Variants in UBXN4 observed in about 807,000 individuals in gnomAD.
The protein encoded by UBXN4 is UBX domain protein 4.
UBXN4 carries 35 observed loss-of-function variants against 66.2 expected under a neutral mutation model. The ratio of observed to expected loss-of-function variants is 0.53; its 90% CI spans 0.40 to 0.70. The LOEUF is 0.70. Among genes scored for constraint, UBXN4 ranks in the 30% least tolerant of loss-of-function variants. UBXN4 has a pLI of 0.00. For synonymous variants in UBXN4, 203 were observed against 204.5 expected (o/e 0.99, Z 0.06); for missense variants, 533 against 599.8 (o/e 0.89, Z 1.16).
At chr2:135,762,024 G>C in intron 6 of UBXN4, 113 bp downstream of exon 6, 1 of 1,168,288 alleles carries the variant, frequency 8.6e-7, no homozygotes, top group Non-Finnish European at 1.2e-6. Context: ...AGAATTCTGA[G>C]TTGAAATTTT....
intron 9 of UBXN4, among the ~76,000 whole-genome samples, chr2:135,775,560 A>G (rs932146445): frequency 2.0e-5 from 3 of 152,202 alleles, no homozygotes; most frequent in African/African-American, 4.8e-5. Context: ...GTATGATTCT[A>G]TTACACAACA....
At chr2:135,747,513 A>G (rs993933171) in intron 1 of UBXN4, 5 of 421,776 alleles carry the variant, frequency 1.2e-5, no homozygotes, top group African/African-American at 1.0e-4. Flanking sequence ...AGGCAAGTCT[A>G]AAATTGCAAA....
intron 6 of UBXN4, among the ~76,000 whole-genome samples, chr2:135,769,015 T>G (rs1275807395): frequency 6.6e-6 from 1 of 151,946 alleles, no homozygotes; most frequent in African/African-American, 2.4e-5. Context: ...ATTTGTTTGT[T>G]TATTTCAGAC....
At chr2:135,769,413 C>A (rs1281470479) in intron 6 of UBXN4, among the ~76,000 whole-genome samples, 3 of 146,320 alleles carry the variant, frequency 2.1e-5, no homozygotes. Flanking sequence ...TTTTTTTTTA[C>A]CATAGTGCTG....
chr2:135,774,571 A>G (rs575975238), intron 9 of UBXN4, among the ~76,000 whole-genome samples: 3 of 152,286 alleles, frequency 2.0e-5, no homozygotes, highest in Non-Finnish European at 2.9e-5. Context: ...GAAGCTGGGC[A>G]TGGTAGCTCA....
At chr2:135,774,907 A>G (rs2077404049) in intron 9 of UBXN4, among the ~76,000 whole-genome samples, 1 of 152,158 alleles carries the variant, frequency 6.6e-6, no homozygotes, top group African/African-American at 2.4e-5. Flanking sequence ...CAAATCATAT[A>G]TTTGATGAGA....
intron 1 of UBXN4, 74 bp downstream of exon 1, chr2:135,742,085 C>A: frequency 6.6e-7 from 1 of 1,508,114 alleles, no homozygotes; most frequent in Admixed American, 2.0e-5. Flanking sequence ...TATACCTCAG[C>A]CGCCGGCCCG....
chr2:135,783,022 G>C lies in UBXN4; in HGVS notation c.*135G>C, dbSNP rs2077459722. 5 of 939,738 alleles carry C rather than the reference G, an allele frequency of 5.3e-6. No homozygotes were observed. The South Asian group carries it at 9.6e-5, about 18-fold the overall frequency. 58.2% of individuals were successfully genotyped at this position (939,738 alleles called of 1,614,324 possible). A position where few individuals can be genotyped will look rare whatever the true frequency, so the allele number is the denominator to read the frequency against. On this transcript the variant is annotated 3_prime_UTR_variant, in exon 13 of 13. Transcript: ENST00000272638. ...ATGTCTCTTTATTCCTGCTTAGTGG[G>C]TGTGGGTTGAAGGTGTTTAACTCAG...
chr2:135,772,302 G>A, intron 8 of UBXN4, 118 bp from the exon 9 acceptor site: 1 of 1,251,230 alleles, frequency 8.0e-7, no homozygotes, highest in Non-Finnish European at 1.1e-6. Flanking sequence ...CAGCCTTGAT[G>A]ACACAGCAAG....
At chr2:135,765,808 G>A (rs2077343362) in intron 6 of UBXN4, among the ~76,000 whole-genome samples, 1 of 151,996 alleles carries the variant, frequency 6.6e-6, no homozygotes, top group Non-Finnish European at 1.5e-5. Context: ...TGTGCTCACA[G>A]ACCCATGTCC....
intron 9 of UBXN4, among the ~76,000 whole-genome samples, chr2:135,773,780 A>C (rs2077397197): frequency 6.6e-6 from 1 of 152,218 alleles, no homozygotes; most frequent in African/African-American, 2.4e-5. Flanking sequence ...TAATCAGAAA[A>C]ATTTTTAAAA....
rs757442187 is a variant in UBXN4, at chr2:135,782,788, C to T, written c.1428C>T (p.Asp476=). 16 of 1,613,102 alleles carry T rather than the reference C, an allele frequency of 9.9e-6. No individual in the cohort carries two copies. Among genetic ancestry groups the T allele is most frequent in the Admixed American group, 3.3e-5 (2 of 59,934 alleles). Residue 476 remains aspartate, a synonymous_variant, in exon 13 of 13, where the codon GAC becomes GAT. Coordinates refer to ENST00000272638, the MANE Select transcript of UBXN4 (RefSeq NM_014607.4). ...VRKRVLEKRG[D]DFKKEGKIYR... is the part of the protein sequence containing the mutation. ...AAAGAGTGCTGGAAAAACGTGGAGA[C>T]GACTTTAAAAAGGAGGGGAAAATTT...
rs1487153912 is a variant in UBXN4 at position 135,783,188 on chromosome 2, A to G, written c.*301A>G. The G allele has an allele frequency of 4.6e-5, 9 of 195,626 alleles. No individual in the cohort carries two copies. The highest frequency in any genetic ancestry group is 3.3e-4 in the East Asian group (3 of 8,988). The allele number at this position is 195,626 out of a possible 1,614,324, so 12.1% of individuals were successfully genotyped here. On this transcript the variant is annotated 3_prime_UTR_variant, in exon 13 of 13. Coordinates refer to ENST00000272638, the MANE Select transcript of UBXN4 (RefSeq NM_014607.4). ...AGTATTTCATATGCCCATTAGCCCT[A>G]TGCTTCAGATGACACGTTTTGTTTA... is the stretch of plus-strand genomic sequence containing the variant.
chr2:135,760,125 A>T (rs1054388179), intron 5 of UBXN4, among the ~76,000 whole-genome samples: 1 of 152,164 alleles, frequency 6.6e-6, no homozygotes, highest in African/African-American at 2.4e-5. Flanking sequence ...GCTATTTCAC[A>T]CAATTTTGGG....
chr2:135,742,768 T>A (rs9630921), intron 1 of UBXN4: 147,810 of 152,110 alleles, frequency 0.97, 71,938 homozygotes, highest in Non-Finnish European at 1. Flanking sequence ...AATTTTTCTT[T>A]ATGGCAGTCT....
chr2:135,745,448 G>A (rs2077201453), intron 1 of UBXN4, among the ~76,000 whole-genome samples: 1 of 152,148 alleles, frequency 6.6e-6, no homozygotes, highest in Non-Finnish European at 1.5e-5. Flanking sequence ...ATTTATTACT[G>A]TAATTACGTA....
intron 6 of UBXN4, among the ~76,000 whole-genome samples, chr2:135,767,660 T>C (rs1006481876): frequency 4.6e-5 from 7 of 152,226 alleles, no homozygotes; most frequent in Admixed American, 3.3e-4. Context: ...CATTCTACTG[T>C]TGGTGGACAT....
chr2:135,768,798 A>G (rs370260030), intron 6 of UBXN4, among the ~76,000 whole-genome samples: 8 of 150,854 alleles, frequency 5.3e-5, no homozygotes, highest in Admixed American at 4.6e-4. Flanking sequence ...CCTGACCTCA[A>G]TTGATCCGCC....
Position 135,782,006 on chromosome 2 carries a change from T to C in UBXN4, c.1389-743T>C, listed in dbSNP as rs74674450. ...GGAGGATTGTGTGAGCTCCAGAGTTTTGAGGCTGTAGTGAACCGTGATCGT... is the reference window on the plus strand; with the variant it reads ...GGAGGATTGTGTGAGCTCCAGAGTTCTGAGGCTGTAGTGAACCGTGATCGT... On this transcript the variant is annotated intron_variant, in intron 12 of 12. Coordinates refer to ENST00000272638, the MANE Select transcript of UBXN4 (RefSeq NM_014607.4). 0.01 allele frequency among the ~76,000 whole-genome samples: 1,590 copies of C among 152,304 alleles called. 100 individuals are homozygous for C. The East Asian group carries it at 0.19, about 18-fold the overall frequency.
Sources: gnomAD v4.1 joint callset for allele counts (sites outside exome capture counted in the v4.1 genomes callset) on GRCh38, gnomAD v4.1.1 for gene constraint, MANE v1.5 for transcripts, NCBI Gene and HGNC (gene_info 2026-07-23, HGNC 2026-07-21) for gene names.